MACROD2: variants seen among roughly 807,000 people sequenced by gnomAD.
The protein encoded by MACROD2 is mono-ADP ribosylhydrolase 2.
Under a neutral mutation model 70.4 loss-of-function variants are expected in MACROD2, and 36 were observed. The observed-to-expected ratio is 0.51, with a 90% CI of 0.39 to 0.68. The LOEUF (loss-of-function observed/expected upper bound fraction) is 0.68, where lower values mean the gene tolerates loss of function less well. Ranked by LOEUF, MACROD2 falls within the 30% of genes least tolerant of loss-of-function variation. The pLI is 0.00. For synonymous variants in MACROD2, 172 were observed against 178.8 expected, an observed-to-expected ratio of 0.96 and a Z score of 0.30; for missense variants, 496 against 538.4, an observed-to-expected ratio of 0.92 and a Z score of 0.78.
chr20:15,443,890 T>C (rs1438717014), intron 7 of MACROD2, among the ~76,000 whole-genome samples: 1 of 152,204 alleles, frequency 6.6e-6, no homozygotes, highest in Non-Finnish European at 1.5e-5. Context: ...CTCTAAGGAA[T>C]GATTTCATTC....
At chr20:15,030,623 A>G (rs987932021) in intron 5 of MACROD2, among the ~76,000 whole-genome samples, 4 of 151,874 alleles carry the variant, frequency 2.6e-5, no homozygotes, top group African/African-American at 7.3e-5. Flanking sequence ...ATCCAAACTG[A>G]AAAGGAGGAC....
At chr20:14,206,925 T>C (rs565918873) in intron 3 of MACROD2, among the ~76,000 whole-genome samples, 1 of 152,160 alleles carries the variant, frequency 6.6e-6, no homozygotes, top group Non-Finnish European at 1.5e-5. Context: ...ATTTGTCGAA[T>C]TGAATCAAAG....
chr20:15,041,541 C>G (rs976282939), intron 5 of MACROD2, among the ~76,000 whole-genome samples: 1 of 152,032 alleles, frequency 6.6e-6, no homozygotes, highest in Non-Finnish European at 1.5e-5. Context: ...AAGTTATCCT[C>G]CCACCTCAGT....
intron 10 of MACROD2, among the ~76,000 whole-genome samples, chr20:15,896,823 C>T (rs2064980536): frequency 6.6e-6 from 1 of 152,084 alleles, no homozygotes; most frequent in Non-Finnish European, 1.5e-5. Context: ...TGGTTTCACA[C>T]ACTCAACACC....
chr20:14,758,419 C>T (rs1022397556), intron 5 of MACROD2, among the ~76,000 whole-genome samples: 3 of 152,154 alleles, frequency 2.0e-5, no homozygotes, highest in African/African-American at 7.2e-5. Flanking sequence ...AGCATGCAGT[C>T]CTGTATTTCC....
intron 5 of MACROD2, among the ~76,000 whole-genome samples, chr20:15,092,062 C>T (rs2075796808): frequency 6.6e-6 from 1 of 152,126 alleles, no homozygotes; most frequent in African/African-American, 2.4e-5. Flanking sequence ...TTTACATTCA[C>T]ACTAAAGTCA....
intron 5 of MACROD2, among the ~76,000 whole-genome samples, chr20:15,138,534 T>G (rs935760378): frequency 3.9e-5 from 6 of 152,318 alleles, no homozygotes; most frequent in African/African-American, 1.4e-4. Context: ...TACAGAAGTC[T>G]TATTTGCTCA....
chr20:14,819,623 T>A (rs565944334), intron 5 of MACROD2, among the ~76,000 whole-genome samples: 102 of 152,092 alleles, frequency 6.7e-4, no homozygotes, highest in African/African-American at 2.1e-3. Flanking sequence ...GGAAATTCAG[T>A]TGATAAGAGA....
At chr20:15,419,495 C>T (rs572761810) in intron 6 of MACROD2, among the ~76,000 whole-genome samples, 15 of 152,316 alleles carry the variant, frequency 9.8e-5, no homozygotes, top group Admixed American at 7.8e-4. Flanking sequence ...TCCTCCAGAG[C>T]TCCTGCAATC....
At chr20:15,248,765 C>T (rs899484371) in intron 6 of MACROD2, among the ~76,000 whole-genome samples, 3 of 152,126 alleles carry the variant, frequency 2.0e-5, no homozygotes, top group African/African-American at 7.2e-5. Context: ...AGGAGCTGTT[C>T]TAGGTCTCTC....
At position 14,192,830 on chromosome 20, in the gene MACROD2, A is replaced by G. The variant is rs189608236; in HGVS notation, c.271+107102A>G. Among the ~76,000 whole-genome samples the G allele has an allele frequency of 1.1e-4, 16 of 152,306 alleles. No individual in the cohort carries two copies. In the East Asian group the frequency reaches 3.1e-3, roughly 29 times the overall value. On this transcript the variant is annotated intron_variant, in intron 3 of 17. Transcript: ENST00000684519. ...AACTTGTGATGGTGCTGTACCCTTTAGGATTTTTGCTTCTGCAAGTGGCAG... is the reference window on the plus strand; with the variant it reads ...AACTTGTGATGGTGCTGTACCCTTTGGGATTTTTGCTTCTGCAAGTGGCAG...
intron 5 of MACROD2, among the ~76,000 whole-genome samples, chr20:15,145,946 A>G (rs2076226953): frequency 6.6e-6 from 1 of 152,128 alleles, no homozygotes; most frequent in African/African-American, 2.4e-5. Context: ...GCTTTCAGGC[A>G]TAAACATATT....
intron 3 of MACROD2, among the ~76,000 whole-genome samples, chr20:14,316,276 T>C (rs567937530): frequency 6.6e-6 from 1 of 152,222 alleles, no homozygotes; most frequent in Non-Finnish European, 1.5e-5. Context: ...AAGTCATCAT[T>C]CAGCATCATG....
chr20:14,083,010 A>T (rs2054019366), intron 2 of MACROD2, among the ~76,000 whole-genome samples: 1 of 152,046 alleles, frequency 6.6e-6, no homozygotes, highest in Non-Finnish European at 1.5e-5. Flanking sequence ...CTGATAAGCA[A>T]TAGTAATAAA....
intron 5 of MACROD2, among the ~76,000 whole-genome samples, chr20:15,176,063 G>A (rs1020438770): frequency 6.6e-6 from 1 of 152,228 alleles, no homozygotes; most frequent in Non-Finnish European, 1.5e-5. Context: ...GCTGAGGCTG[G>A]GTGCTGTTGC....
At chr20:15,197,090 G>A in intron 5 of MACROD2, 1 of 932,786 alleles carries the variant, frequency 1.1e-6, no homozygotes, top group Non-Finnish European at 1.3e-6. Flanking sequence ...TGTCTGGTTT[G>A]GTTCTCCTTT....
chr20:14,311,691 T>C (rs1203332915), intron 3 of MACROD2, among the ~76,000 whole-genome samples: 1 of 152,216 alleles, frequency 6.6e-6, no homozygotes, highest in African/African-American at 2.4e-5. Context: ...CTAATTTTTG[T>C]ATTTTTAGTA....
At chr20:15,885,859 TGTTG>T in intron 10 of MACROD2, 48 bp downstream of exon 10, 1 of 1,470,182 alleles carries the variant, frequency 6.8e-7, no homozygotes, top group Non-Finnish European at 9.1e-7. Flanking sequence ...GGGGTCATTT[TGTTG>T]TTTATGTACA....
At chr20:14,683,814 A>C (rs2070965088) in intron 4 of MACROD2, among the ~76,000 whole-genome samples, 1 of 152,122 alleles carries the variant, frequency 6.6e-6, no homozygotes, top group South Asian at 2.1e-4. Flanking sequence ...ATCTATTTTC[A>C]CATTCCAGTT....
Sources: gnomAD v4.1 joint callset for allele counts (sites outside exome capture counted in the v4.1 genomes callset) on GRCh38, gnomAD v4.1.1 for gene constraint, MANE v1.5 for transcripts, NCBI Gene and HGNC (gene_info 2026-07-23, HGNC 2026-07-21) for gene names.